The following GNAI1 variants were observed in gnomAD, a reference collection of about 807,000 sequenced individuals.
GNAI1 encodes the protein guanine nucleotide-binding protein G(i) subunit alpha-1.
GNAI1 carries 11 observed loss-of-function variants against 38.9 expected under a neutral mutation model. The observed-to-expected ratio is 0.28, with a 90% CI of 0.18 to 0.47. GNAI1 has a LOEUF of 0.47. Among genes scored for constraint, GNAI1 ranks in the 20% least tolerant of loss-of-function variants. GNAI1 has a pLI of 0.99. For missense variants in GNAI1, 317 were observed against 436.9 expected, an observed-to-expected ratio of 0.73 and a Z score of 2.45; for synonymous variants, 166 against 145.1, an observed-to-expected ratio of 1.14 and a Z score of -1.04.
At chr7:80,217,234 C>G in intron 7 of GNAI1, 69 bp from the exon 8 acceptor site, 1 of 1,045,074 alleles carries the variant, frequency 9.6e-7, no homozygotes, top group Non-Finnish European at 1.4e-6. Context: ...ATGTATGAAA[C>G]TGAATTCAGT....
chr7:80,198,958 C>T (rs574460798), intron 3 of GNAI1, among the ~76,000 whole-genome samples: 1 of 152,158 alleles, frequency 6.6e-6, no homozygotes, highest in Non-Finnish European at 1.5e-5. Context: ...CCTTTATGAG[C>T]TGGAACCTTA....
intron 6 of GNAI1, 136 bp downstream of exon 6, chr7:80,211,234 A>C (rs1788867786): frequency 1.4e-6 from 1 of 698,020 alleles, no homozygotes; most frequent in African/African-American, 1.8e-5. Context: ...TAAAAGAGAG[A>C]TATACTAGAG....
chr7:80,148,339 C>T (rs1366124209), intron 1 of GNAI1, among the ~76,000 whole-genome samples: 1 of 151,984 alleles, frequency 6.6e-6, no homozygotes, highest in Non-Finnish European at 1.5e-5. Context: ...ATAACTTAAA[C>T]TGTAATTTAA....
chr7:80,166,103 G>A (rs1392071043), intron 1 of GNAI1, among the ~76,000 whole-genome samples: 1 of 152,106 alleles, frequency 6.6e-6, no homozygotes, highest in African/African-American at 2.4e-5. Context: ...AGAATCCTTA[G>A]CATAGTGTTT....
intron 1 of GNAI1, among the ~76,000 whole-genome samples, chr7:80,175,083 T>C (rs1788158712): frequency 6.6e-6 from 1 of 152,182 alleles, no homozygotes; most frequent in Non-Finnish European, 1.5e-5. Flanking sequence ...ACTGAACTAG[T>C]TCTTTTCTTG....
At chr7:80,208,340 A>G (rs1788813751) in intron 5 of GNAI1, among the ~76,000 whole-genome samples, 1 of 152,316 alleles carries the variant, frequency 6.6e-6, no homozygotes, top group Admixed American at 6.5e-5. Context: ...AGAGCAATGA[A>G]TAATGCTTGT....
At chr7:80,202,117 G>A (rs1031067513) in intron 4 of GNAI1, among the ~76,000 whole-genome samples, 2 of 152,038 alleles carry the variant, frequency 1.3e-5, no homozygotes, top group African/African-American at 4.8e-5. Flanking sequence ...TTGAGATGGA[G>A]TCGGGCTTTG....
At chr7:80,186,183 C>G (rs1019417663) in intron 1 of GNAI1, among the ~76,000 whole-genome samples, 2 of 152,046 alleles carry the variant, frequency 1.3e-5, no homozygotes, top group African/African-American at 4.8e-5. Context: ...TAGGCACCTA[C>G]CACCACGCCC....
intron 1 of GNAI1, among the ~76,000 whole-genome samples, chr7:80,147,862 T>C (rs556425017): frequency 6.6e-6 from 1 of 152,334 alleles, no homozygotes; most frequent in Admixed American, 6.5e-5. Context: ...CTGGTTCTTA[T>C]GAAACGTGTA....
intron 3 of GNAI1, among the ~76,000 whole-genome samples, chr7:80,193,787 G>A (rs1034639549): frequency 6.6e-6 from 1 of 152,130 alleles, no homozygotes; most frequent in Non-Finnish European, 1.5e-5. Context: ...TTTATATTTT[G>A]TGTGTCATTT....
At position 80,143,926 on chromosome 7, in the gene GNAI1, G is replaced by A. The variant is rs536866077; in HGVS notation, c.118+8648G>A. 2.5e-3 allele frequency among the ~76,000 whole-genome samples: 79 copies of A among 31,144 alleles called. No homozygotes were observed. The East Asian group carries it at 0.029, about 11-fold the overall frequency. 20.4% of individuals were successfully genotyped at this position (31,144 alleles called of 152,430 possible). ...AGGATGTGTGTGTGTGTGTGTGCGC[G>A]CGTGTGTGTATCTATATGTGTGCAT... On this transcript the variant is annotated intron_variant, in intron 1 of 7. Transcript: ENST00000649796.
chr7:80,212,179 T>G (rs1180898923), intron 6 of GNAI1, among the ~76,000 whole-genome samples: 1 of 152,270 alleles, frequency 6.6e-6, no homozygotes, highest in East Asian at 1.9e-4. Flanking sequence ...TTCATTTCTT[T>G]CATTTCAGCA....
At chr7:80,176,101 C>A (rs1028779152) in intron 1 of GNAI1, among the ~76,000 whole-genome samples, 10 of 152,172 alleles carry the variant, frequency 6.6e-5, no homozygotes, top group Admixed American at 2.6e-4. Flanking sequence ...AGGAAAAGTT[C>A]TTGAAGGAAA....
At chr7:80,176,263 T>TC (rs1308671072) in intron 1 of GNAI1, among the ~76,000 whole-genome samples, 1 of 152,208 alleles carries the variant, frequency 6.6e-6, no homozygotes, top group Non-Finnish European at 1.5e-5. Flanking sequence ...CCCTACCTCT[T>TC]CCGTTCCGTG....
intron 1 of GNAI1, among the ~76,000 whole-genome samples, chr7:80,169,016 T>C (rs1353177901): frequency 1.3e-5 from 2 of 152,250 alleles, no homozygotes; most frequent in Non-Finnish European, 2.9e-5. Flanking sequence ...TGTTGCTTGT[T>C]CTGTCCCTTA....
At chr7:80,206,773 C>T (rs1055064631) in intron 5 of GNAI1, among the ~76,000 whole-genome samples, 3 of 152,028 alleles carry the variant, frequency 2.0e-5, no homozygotes, top group African/African-American at 4.8e-5. Flanking sequence ...ACCCTATATA[C>T]ACCATGTTTC....
chr7:80,188,208 A>G (rs1788421636), intron 1 of GNAI1, among the ~76,000 whole-genome samples: 1 of 152,200 alleles, frequency 6.6e-6, no homozygotes, highest in South Asian at 2.1e-4. Context: ...TGAACATCTG[A>G]TATTTTAAAA....
intron 1 of GNAI1, among the ~76,000 whole-genome samples, chr7:80,146,401 A>G (rs1584005730): frequency 6.6e-6 from 1 of 152,128 alleles, no homozygotes; most frequent in African/African-American, 2.4e-5. Context: ...GAAAAAAAGC[A>G]CTTTAATAAT....
chr7:80,176,222 C>T (rs748700828), intron 1 of GNAI1, among the ~76,000 whole-genome samples: 8 of 152,208 alleles, frequency 5.3e-5, no homozygotes, highest in Non-Finnish European at 8.8e-5. Context: ...CCACAACATT[C>T]CCTTAAGCCA....
Sources: gnomAD v4.1 joint callset for allele counts (sites outside exome capture counted in the v4.1 genomes callset) on GRCh38, gnomAD v4.1.1 for gene constraint, MANE v1.5 for transcripts, NCBI Gene and HGNC (gene_info 2026-07-23, HGNC 2026-07-21) for gene names.